FHIT: variants seen among roughly 807,000 people sequenced by gnomAD.
FHIT encodes the protein fragile histidine triad diadenosine triphosphatase.
FHIT carries 19 observed loss-of-function variants against 17.9 expected under a neutral mutation model. The observed-to-expected ratio is 1.06, with a 90% CI of 0.74 to 1.56. FHIT has a LOEUF of 1.56. FHIT is among the 40% of genes most tolerant of loss of function. The pLI, the probability that FHIT is intolerant of heterozygous loss-of-function variation, is 0.00. For missense variants in FHIT, 248 were observed against 189.2 expected, an observed-to-expected ratio of 1.31 and a Z score of -1.82; for synonymous variants, 81 against 69.7, an observed-to-expected ratio of 1.16 and a Z score of -0.81.
In FHIT at chr3:60,848,405, C is replaced by G. The variant is rs138303171; in HGVS notation, c.-110-26394G>C. On this transcript the variant is annotated intron_variant, in intron 3 of 9. Transcript: ENST00000492590. The stretch of plus-strand genomic sequence containing the variant: ...CTTTTGGAAAGTCATGGCTCCAGGT[C>G]TCAGATCTCAGCTGTAGGTTTTATC... Among the ~76,000 whole-genome samples the G allele has an allele frequency of 1.4e-3, 210 of 152,206 alleles. 1 individual carries two copies. Among genetic ancestry groups the G allele is most frequent in the East Asian group, 8.9e-3 (46 of 5,162 alleles).
At chr3:60,325,387 TAA>T (rs571926163) in intron 5 of FHIT, among the ~76,000 whole-genome samples, 280 of 152,326 alleles carry the variant, frequency 1.8e-3, no homozygotes, top group African/African-American at 6.4e-3. Context: ...TTGAAATGTT[TAA>T]AAGTTTCTTT....
At chr3:59,758,540 C>T (rs565365040) in intron 8 of FHIT, among the ~76,000 whole-genome samples, 1 of 152,280 alleles carries the variant, frequency 6.6e-6, no homozygotes, top group Admixed American at 6.5e-5. Flanking sequence ...ATCTTTCAGT[C>T]CCTCTGACTG....
chr3:60,574,503 C>G (rs149039446), intron 4 of FHIT, among the ~76,000 whole-genome samples: 7 of 152,086 alleles, frequency 4.6e-5, no homozygotes, highest in Admixed American at 1.3e-4. Flanking sequence ...CGAGCTTAGA[C>G]GAGCCTTCAG....
intron 5 of FHIT, among the ~76,000 whole-genome samples, chr3:60,283,561 T>C (rs1270081907): frequency 2.0e-5 from 3 of 152,116 alleles, no homozygotes; most frequent in African/African-American, 4.8e-5. Context: ...AAAAAAAGAA[T>C]TGATCCACTA....
chr3:59,929,362 G>GTTTTT (rs1559740305), intron 7 of FHIT, among the ~76,000 whole-genome samples: 10 of 92,074 alleles, frequency 1.1e-4, no homozygotes, highest in South Asian at 3.8e-4. Flanking sequence ...TTGTTTTTTT[G>GTTTTT]GTTTTTTTTT....
intron 5 of FHIT, among the ~76,000 whole-genome samples, chr3:60,326,022 A>T (rs751668211): frequency 6.6e-6 from 1 of 152,122 alleles, no homozygotes; most frequent in Admixed American, 6.5e-5. Flanking sequence ...CACAGAAGAG[A>T]TAAGAACTTG....
intron 5 of FHIT, among the ~76,000 whole-genome samples, chr3:60,385,323 C>T (rs2107130312): frequency 6.6e-6 from 1 of 152,294 alleles, no homozygotes; most frequent in East Asian, 1.9e-4. Context: ...CCTTAAATCA[C>T]CCACAAAATG....
intron 5 of FHIT, among the ~76,000 whole-genome samples, chr3:60,170,092 C>T (rs1202748791): frequency 6.6e-6 from 1 of 152,078 alleles, no homozygotes; most frequent in Non-Finnish European, 1.5e-5. Context: ...AGGCATATAA[C>T]TAAACTGAAT....
chr3:60,190,740 T>C (rs1702365615), intron 5 of FHIT, among the ~76,000 whole-genome samples: 1 of 152,006 alleles, frequency 6.6e-6, no homozygotes, highest in Non-Finnish European at 1.5e-5. Context: ...ATTGTGCACA[T>C]GTACCCTAAA....
intron 5 of FHIT, among the ~76,000 whole-genome samples, chr3:60,260,635 A>T (rs1297776145): frequency 3.3e-5 from 5 of 152,026 alleles, no homozygotes; most frequent in Admixed American, 3.3e-4. Context: ...AGGTGTTTGA[A>T]CCAGAGCAAC....
chr3:60,197,524 A>G (rs769430439), intron 5 of FHIT, among the ~76,000 whole-genome samples: 27 of 152,216 alleles, frequency 1.8e-4, no homozygotes, highest in Non-Finnish European at 2.8e-4. Flanking sequence ...GCTAAAGTAA[A>G]TATTAGTAAA....
intron 5 of FHIT, among the ~76,000 whole-genome samples, chr3:60,258,629 A>G (rs1325428220): frequency 6.6e-6 from 1 of 152,166 alleles, no homozygotes; most frequent in Non-Finnish European, 1.5e-5. Flanking sequence ...TGAGGCACCT[A>G]TAACAAAAGG....
chr3:60,820,486 C>T (rs1553738976), intron 4 of FHIT, among the ~76,000 whole-genome samples: 1 of 152,210 alleles, frequency 6.6e-6, no homozygotes, highest in African/African-American at 2.4e-5. Flanking sequence ...AGGCAGGTGA[C>T]CTGCCAGAGA....
At position 60,800,581 on chromosome 3, in the gene FHIT, G is replaced by A. The variant is rs72884581; in HGVS notation, c.-18+21338C>T. On this transcript the variant is annotated intron_variant, in intron 4 of 9. Coordinates refer to ENST00000492590, the MANE Select transcript of FHIT (RefSeq NM_002012.4). ...AGGGAGAGTAAAACAGGGGAAAAGG[G>A]TATCTTAAATCAGATTCCCTAGAAG... is the stretch of plus-strand genomic sequence containing the variant. 5.7e-3 allele frequency among the ~76,000 whole-genome samples: 865 copies of A among 152,254 alleles called. 9 individuals carry two copies. The highest frequency in any genetic ancestry group is 0.02 in the African/African-American group (820 of 41,544).
intron 4 of FHIT, among the ~76,000 whole-genome samples, chr3:60,783,085 G>A (rs1211851514): frequency 6.6e-6 from 1 of 152,104 alleles, no homozygotes; most frequent in Non-Finnish European, 1.5e-5. Context: ...CCAGACTCAA[G>A]TGATTTTCCT....
At chr3:60,561,582 G>A (rs1419488742) in intron 4 of FHIT, among the ~76,000 whole-genome samples, 1 of 152,026 alleles carries the variant, frequency 6.6e-6, no homozygotes, top group Admixed American at 6.6e-5. Flanking sequence ...TCTTCTCACA[G>A]AAATGAAGAA....
At chr3:61,018,017 T>C (rs945894257) in intron 3 of FHIT, among the ~76,000 whole-genome samples, 5 of 152,198 alleles carry the variant, frequency 3.3e-5, no homozygotes, top group Non-Finnish European at 7.4e-5. Flanking sequence ...GACAAACTGA[T>C]AAAAATTAAA....
chr3:61,231,355 G>T (rs1022450840), intron 1 of FHIT, among the ~76,000 whole-genome samples: 2 of 152,088 alleles, frequency 1.3e-5, no homozygotes, highest in African/African-American at 4.8e-5. Flanking sequence ...ATTGCTAGGT[G>T]TGGTGGTGGG....
chr3:60,565,966 G>T (rs1263827676), intron 4 of FHIT, among the ~76,000 whole-genome samples: 1 of 152,048 alleles, frequency 6.6e-6, no homozygotes, highest in African/African-American at 2.4e-5. Context: ...TTGTGTCTTT[G>T]TTCTCATTGG....
Sources: gnomAD v4.1 joint callset for allele counts (sites outside exome capture counted in the v4.1 genomes callset) on GRCh38, gnomAD v4.1.1 for gene constraint, MANE v1.5 for transcripts, NCBI Gene and HGNC (gene_info 2026-07-23, HGNC 2026-07-21) for gene names.